The following P2RY8 variants were observed in gnomAD, a reference collection of about 807,000 sequenced individuals.
The protein encoded by P2RY8 is S-geranylgeranyl-glutathione receptor P2RY8.
P2RY8 carries 6 observed loss-of-function variants against 10.0 expected under a neutral mutation model. The ratio of observed to expected loss-of-function variants is 0.60; its 90% CI spans 0.33 to 1.19. P2RY8 has a LOEUF of 1.19. P2RY8 is among the 50% of genes most tolerant of loss of function. The pLI, the probability that P2RY8 is intolerant of heterozygous loss-of-function variation, is 0.04. For missense variants in P2RY8, 456 were observed against 542.0 expected, an observed-to-expected ratio of 0.84 and a Z score of 1.58; for synonymous variants, 276 against 252.5, an observed-to-expected ratio of 1.09 and a Z score of -0.88.
chrX:1,528,076 T>C lies in P2RY8; in HGVS notation c.-25+8845A>G, dbSNP rs2092450539. The stretch of plus-strand genomic sequence containing the variant: ...CTCCTCCACCCCAAGAACAGATGAG[T>C]GATAAATAAATACCTGGAGACAGAA... On this transcript the variant is annotated intron_variant, in intron 1 of 1. Coordinates refer to ENST00000381297, the MANE Select transcript of P2RY8 (RefSeq NM_178129.5). 2.6e-5 allele frequency among the ~76,000 whole-genome samples: 4 copies of C among 151,938 alleles called. No individual in the cohort carries two copies. In the South Asian group the frequency reaches 6.2e-4, roughly 24 times the overall value.
chrX:1,536,038 T>C (rs1436699162), intron 1 of P2RY8, among the ~76,000 whole-genome samples: 1 of 152,098 alleles, frequency 6.6e-6, no homozygotes, highest in Non-Finnish European at 1.5e-5. Context: ...CAGGCACCCA[T>C]AGGGCTTTAA....
chrX:1,515,572 T>G, intron 1 of P2RY8, among the ~76,000 whole-genome samples: 1 of 151,380 alleles, frequency 6.6e-6, no homozygotes, highest in Non-Finnish European at 1.5e-5. Context: ...GATTTCTCCA[T>G]GTTGCCCAGG....
intron 1 of P2RY8, among the ~76,000 whole-genome samples, chrX:1,523,078 A>AAAGT (rs1556685611): frequency 1.5e-5 from 2 of 134,810 alleles, no homozygotes; most frequent in Non-Finnish European, 3.1e-5. Context: ...CCCACTGCCA[A>AAAGT]AAATAAATAA....
intron 1 of P2RY8, among the ~76,000 whole-genome samples, chrX:1,527,364 C>G (rs1413406310): frequency 1.3e-5 from 2 of 151,852 alleles, no homozygotes; most frequent in African/African-American, 4.8e-5. Context: ...ATCCATACAT[C>G]CACTATTCAT....
intron 1 of P2RY8, among the ~76,000 whole-genome samples, chrX:1,506,082 T>A (rs2092230253): frequency 7.1e-6 from 1 of 140,070 alleles, no homozygotes; most frequent in African/African-American, 2.7e-5. Flanking sequence ...AAGCTCCGCC[T>A]CCCGGGTTCA....
At chrX:1,472,464 G>C (rs1173474034) in intron 1 of P2RY8, among the ~76,000 whole-genome samples, 1 of 132,476 alleles carries the variant, frequency 7.5e-6, no homozygotes, top group Non-Finnish European at 1.6e-5. Context: ...GAGTGGATGA[G>C]TGCATGGGTG....
intron 1 of P2RY8, among the ~76,000 whole-genome samples, chrX:1,486,358 T>A (rs1283245321): frequency 1.3e-5 from 2 of 152,020 alleles, no homozygotes; most frequent in African/African-American, 4.8e-5. Flanking sequence ...GGCCCCCCCA[T>A]GCACACAGTG....
intron 1 of P2RY8, among the ~76,000 whole-genome samples, chrX:1,502,542 T>C (rs2092190926): frequency 6.6e-6 from 1 of 152,136 alleles, no homozygotes. Flanking sequence ...CTGTCCCTAC[T>C]CTCAGCAGCC....
At chrX:1,525,241 C>T (rs1283379052) in intron 1 of P2RY8, among the ~76,000 whole-genome samples, 30 of 152,180 alleles carry the variant, frequency 2.0e-4, no homozygotes, top group African/African-American at 7.2e-4. Context: ...ACATTCAAAG[C>T]CTCAACATAG....
chrX:1,466,170 C>T lies in P2RY8; in HGVS notation c.389G>A (p.Ser130Asn). ...ERFLGVLYPL[S>N]SKRWRRRRYA... Reference sequence around the variant, plus strand: ...ACGACGGCGGCGCCAGCGCTTGGAGCTGAGCGGGTACAGGACCCCCAGGAA... The same window carrying T: ...ACGACGGCGGCGCCAGCGCTTGGAGTTGAGCGGGTACAGGACCCCCAGGAA... The change falls in exon 2 of 2, where the codon AGC (serine) becomes AAC (asparagine). Residue 130 changes from serine to asparagine, a missense_variant. Ser to Asn is a conservative substitution (Grantham distance 46). Transcript: ENST00000381297. 6.2e-7 allele frequency: 1 copy of T among 1,612,346 alleles called. No individual in the cohort carries two copies. The highest frequency in any genetic ancestry group is 1.3e-5 in the African/African-American group (1 of 75,030).
chrX:1,474,962 A>T (rs1289899588), intron 1 of P2RY8, among the ~76,000 whole-genome samples: 1 of 143,302 alleles, frequency 7.0e-6, no homozygotes, highest in Non-Finnish European at 1.5e-5. Flanking sequence ...GTGTGGGTGG[A>T]TGGATGGGTG....
intron 1 of P2RY8, among the ~76,000 whole-genome samples, chrX:1,502,466 C>T (rs1454656037): frequency 4.6e-5 from 7 of 152,026 alleles, no homozygotes; most frequent in South Asian, 2.1e-4. Context: ...CTCTGGGGAC[C>T]CTGTTTGCCT....
At position 1,491,746 on chromosome X, in the gene P2RY8, T is replaced by G. The variant is rs1217189373; in HGVS notation, c.-24-25164A>C. Reference sequence around the variant, plus strand: ...ATGAGTGAATGAATGAATGCCACTCTGAGAATGCACAGCCAATGAGTGACG... The same window carrying G: ...ATGAGTGAATGAATGAATGCCACTCGGAGAATGCACAGCCAATGAGTGACG... On this transcript the variant is annotated intron_variant, in intron 1 of 1. Transcript: ENST00000381297. Among the ~76,000 whole-genome samples the G allele has an allele frequency of 2.0e-5, 3 of 152,196 alleles. No homozygotes were observed. The East Asian group carries it at 5.8e-4, about 29-fold the overall frequency.
At chrX:1,478,056 TG>T (rs1256014536) in intron 1 of P2RY8, among the ~76,000 whole-genome samples, 1 of 152,066 alleles carries the variant, frequency 6.6e-6, no homozygotes. Flanking sequence ...AGATGGAACA[TG>T]AGCTAAAGCA....
At chrX:1,530,146 TATGTATGTATG>T (rs1322190228) in intron 1 of P2RY8, among the ~76,000 whole-genome samples, 1,045 of 6,914 alleles carry the variant, frequency 0.15, 10 homozygotes, top group East Asian at 0.29. Flanking sequence ...TGTATGTATG[TATGTATGTATG>T]ATCTATCTAT....
At chrX:1,484,451 G>C (rs1395722289) in intron 1 of P2RY8, among the ~76,000 whole-genome samples, 1 of 152,074 alleles carries the variant, frequency 6.6e-6, no homozygotes, top group African/African-American at 2.4e-5. Context: ...TACAGGCCGG[G>C]CGCGGTGGCT....
In P2RY8 at chrX:1,465,289, G is replaced by A. The variant is rs2091648411; in HGVS notation, c.*190C>T. The A allele has an allele frequency of 2.2e-6, 2 of 905,948 alleles. No individual in the cohort carries two copies. The highest frequency in any genetic ancestry group is 1.8e-5 in the South Asian group (1 of 55,114). 56.1% of individuals were successfully genotyped at this position (905,948 alleles called of 1,614,324 possible). On this transcript the variant is annotated 3_prime_UTR_variant, in exon 2 of 2. Coordinates refer to ENST00000381297, the MANE Select transcript of P2RY8 (RefSeq NM_178129.5). Reference sequence around the variant, plus strand: ...GTTTCTCTACCCTGAGTGAAGCCTGGAGACCCTTCCTCACCGGTGCCTCTG... The same window carrying A: ...GTTTCTCTACCCTGAGTGAAGCCTGAAGACCCTTCCTCACCGGTGCCTCTG...
chrX:1,529,814 T>C (rs2092460754), intron 1 of P2RY8, among the ~76,000 whole-genome samples: 1 of 152,084 alleles, frequency 6.6e-6, no homozygotes, highest in Non-Finnish European at 1.5e-5. Flanking sequence ...TCTCTATCAT[T>C]TATCTGCCTA....
At chrX:1,527,468 T>C (rs2092446667) in intron 1 of P2RY8, among the ~76,000 whole-genome samples, 1 of 152,176 alleles carries the variant, frequency 6.6e-6, no homozygotes, top group African/African-American at 2.4e-5. Context: ...CATCCATCCA[T>C]CCGTTCATCC....
Sources: gnomAD v4.1 joint callset for allele counts (sites outside exome capture counted in the v4.1 genomes callset) on GRCh38, gnomAD v4.1.1 for gene constraint, MANE v1.5 for transcripts, NCBI Gene and HGNC (gene_info 2026-07-23, HGNC 2026-07-21) for gene names.